Variants in BPTF observed in about 807,000 individuals in gnomAD.
BPTF encodes the protein bromodomain PHD finger transcription factor, also known as nucleosome-remodeling factor subunit BPTF.
A neutral mutation model predicts 292.5 loss-of-function variants in BPTF; 18 were observed. The ratio of observed to expected loss-of-function variants is 0.06; its 90% CI spans 0.04 to 0.09. The LOEUF (loss-of-function observed/expected upper bound fraction) is 0.09, where lower values mean the gene tolerates loss of function less well. Among genes scored for constraint, BPTF ranks in the 10% least tolerant of loss-of-function variants. The probability of loss-of-function intolerance (pLI) is 1.00; values close to 1 mark genes in which losing one functional copy is unlikely to be tolerated. For missense variants in BPTF, 2,726 were observed against 3,498.7 expected (o/e 0.78, Z 5.57); for synonymous variants, 1,225 against 1,251.9 (o/e 0.98, Z 0.45).
chr17:67,955,373 A>G (rs2066829540), intron 23 of BPTF: 2 of 152,058 alleles, frequency 1.3e-5, no homozygotes, highest in Admixed American at 1.3e-4. Context: ...TGACCCTGCA[A>G]AAAAGGGGCA....
chr17:67,944,531 T>A, intron 20 of BPTF, 159 bp downstream of exon 20: 1 of 748,910 alleles, frequency 1.3e-6, no homozygotes, highest in South Asian at 1.8e-5. Context: ...TCTCGAAGCT[T>A]TTGTACCCTA....
rs115712346 is a variant in BPTF at position 67,877,201 on chromosome 17, G to A, written c.1864+2181G>A. 1.7e-3 allele frequency among the ~76,000 whole-genome samples: 265 copies of A among 152,304 alleles called. 2 individuals carry two copies. The highest frequency in any genetic ancestry group is 6.0e-3 in the African/African-American group (249 of 41,578). On this transcript the variant is annotated intron_variant, in intron 4 of 27. Transcript: ENST00000306378. Reference sequence around the variant, plus strand: ...ATGTATCAGTGACCAAAATAGATAAGGTCTGGGCCCTTGGTGACTTACATT... The same window carrying A: ...ATGTATCAGTGACCAAAATAGATAAAGTCTGGGCCCTTGGTGACTTACATT...
intron 17 of BPTF, among the ~76,000 whole-genome samples, chr17:67,930,433 A>G (rs979799824): frequency 5.3e-5 from 8 of 151,904 alleles, no homozygotes; most frequent in Non-Finnish European, 8.8e-5. Context: ...TCCTGACCTC[A>G]GGTGATCCAC....
At chr17:67,867,618 G>A (rs145711228) in intron 3 of BPTF, among the ~76,000 whole-genome samples, 274 of 152,184 alleles carry the variant, frequency 1.8e-3, no homozygotes, top group African/African-American at 6.4e-3. Context: ...CTGGGTTGTC[G>A]GTTTCTCAGA....
At position 67,982,809 on chromosome 17, in the gene BPTF, G is replaced by A. The variant is rs188594445; in HGVS notation, c.*521G>A. On this transcript the variant is annotated 3_prime_UTR_variant, in exon 28 of 28. Coordinates refer to ENST00000306378, the MANE Select transcript of BPTF (RefSeq NM_182641.4). ...CTTATCATGATTCCTGTAGGTAAAA[G>A]TACAAGACGACCTCTAGATGTCTTT... 1 of 152,920 alleles carries A rather than the reference G, an allele frequency of 6.5e-6. No homozygotes were observed. The highest frequency in any genetic ancestry group is 1.9e-4 in the East Asian group (1 of 5,186). The allele number at this position is 152,920 out of a possible 1,614,324, so 9.5% of individuals were successfully genotyped here. A position where few individuals can be genotyped will look rare whatever the true frequency, so the allele number is the denominator to read the frequency against.
At chr17:67,838,563 A>T (rs925704675) in intron 1 of BPTF, among the ~76,000 whole-genome samples, 4 of 152,120 alleles carry the variant, frequency 2.6e-5, no homozygotes, top group Non-Finnish European at 4.4e-5. Flanking sequence ...TGCAACCTCC[A>T]CCTCTTAGGT....
intron 4 of BPTF, among the ~76,000 whole-genome samples, chr17:67,887,784 A>G (rs574116303): frequency 2.2e-4 from 34 of 152,224 alleles, no homozygotes; most frequent in Non-Finnish European, 4.4e-4. Context: ...AGGTCTACAT[A>G]TATTTATGTG....
chr17:67,914,886 T>TA (rs2062880229), intron 11 of BPTF, among the ~76,000 whole-genome samples: 1 of 152,208 alleles, frequency 6.6e-6, no homozygotes, highest in African/African-American at 2.4e-5. Flanking sequence ...TTTAAACTGA[T>TA]ACAGCCTTCA....
intron 3 of BPTF, among the ~76,000 whole-genome samples, chr17:67,870,907 C>T (rs1230832297): frequency 1.3e-5 from 2 of 149,244 alleles, no homozygotes; most frequent in East Asian, 2.0e-4. Context: ...GTAGCTGGGA[C>T]TACAGGCGCC....
chr17:67,917,058 A>G (rs1269855593), intron 11 of BPTF, among the ~76,000 whole-genome samples: 2 of 151,586 alleles, frequency 1.3e-5, no homozygotes, highest in African/African-American at 2.4e-5. Context: ...TAGTACCTCC[A>G]CACACAATGT....
chr17:67,983,789 A>C lies in BPTF; in HGVS notation c.*1501A>C, dbSNP rs1454149839. 1.3e-5 allele frequency: 2 copies of C among 152,552 alleles called. No individual in the cohort carries two copies. The highest frequency in any genetic ancestry group is 3.8e-4 in the East Asian group (2 of 5,200). 9.4% of individuals were successfully genotyped at this position (152,552 alleles called of 1,614,324 possible). A position where few individuals can be genotyped will look rare whatever the true frequency, so the allele number is the denominator to read the frequency against. On this transcript the variant is annotated 3_prime_UTR_variant, in exon 28 of 28. Transcript: ENST00000306378. ...GAATTTATCTAATTATTGTTTTTCA[A>C]AGTTTCTTTCCTTTTAATGTTTCCC...
intron 7 of BPTF, among the ~76,000 whole-genome samples, chr17:67,899,953 C>A (rs554932830): frequency 9.2e-5 from 14 of 152,272 alleles, no homozygotes; most frequent in Non-Finnish European, 1.6e-4. Flanking sequence ...GTTGGACACA[C>A]AAGCATCTGA....
rs141033721 is a variant in BPTF at position 67,856,083 on chromosome 17, T to C, written c.1436+1321T>C. Among the ~76,000 whole-genome samples the C allele has an allele frequency of 5.5e-3, 838 of 152,342 alleles. 5 individuals are homozygous for C. The highest frequency in any genetic ancestry group is 0.017 in the African/African-American group (710 of 41,578). ...CTTCCTCTTTTCCCTCTTGTATTTATCTTGAGCTATGATTTTATTGAACGT... is the reference window on the plus strand; with the variant it reads ...CTTCCTCTTTTCCCTCTTGTATTTACCTTGAGCTATGATTTTATTGAACGT... On this transcript the variant is annotated intron_variant, in intron 2 of 27. Transcript: ENST00000306378.
At chr17:67,968,899 T>G (rs536227285) in intron 26 of BPTF, among the ~76,000 whole-genome samples, 1 of 151,552 alleles carries the variant, frequency 6.6e-6, no homozygotes, top group African/African-American at 2.4e-5. Context: ...GAGAATTGCT[T>G]GAACCTGGAA....
chr17:67,830,233 G>T (rs2056540517), intron 1 of BPTF, among the ~76,000 whole-genome samples: 1 of 152,198 alleles, frequency 6.6e-6, no homozygotes, highest in Non-Finnish European at 1.5e-5. Flanking sequence ...TTCTTGTGTT[G>T]CAGTCTCAGT....
At chr17:67,860,935 C>G (rs2059038951) in intron 2 of BPTF, among the ~76,000 whole-genome samples, 4 of 152,198 alleles carry the variant, frequency 2.6e-5, no homozygotes, top group Admixed American at 2.0e-4. Flanking sequence ...CAGCTTTCTA[C>G]TCCCCATTCT....
chr17:67,897,437 C>T (rs1288316347), intron 7 of BPTF, among the ~76,000 whole-genome samples: 1 of 150,258 alleles, frequency 6.7e-6, no homozygotes, highest in South Asian at 2.1e-4. Flanking sequence ...AATTTTAAAG[C>T]CTTCACAGGG....
chr17:67,911,825 G>A lies in BPTF; in HGVS notation c.3941G>A (p.Ser1314Asn). ...ATGATTGTTCAGAATAGCAATGAAAGCATTTCTGAACAGTTCAGAACTCGA... is the reference window on the plus strand; with the variant it reads ...ATGATTGTTCAGAATAGCAATGAAAACATTTCTGAACAGTTCAGAACTCGA... ...EDMIVQNSNE[S>N]ISEQFRTREQ... The change falls in exon 11 of 28, where the codon AGC becomes AAC. Residue 1314 changes from serine (S) to asparagine (N), a missense_variant. This residue lies in a region of BPTF where 713 missense variants were observed against 714.9 expected (regional missense o/e 1.00). Transcript: ENST00000306378. 1.9e-6 allele frequency: 3 copies of A among 1,614,168 alleles called. No individual in the cohort carries two copies. The highest frequency in any genetic ancestry group is 2.5e-6 in the Non-Finnish European group (3 of 1,180,018).
intron 2 of BPTF, among the ~76,000 whole-genome samples, chr17:67,856,809 C>A (rs1416347073): frequency 6.6e-6 from 1 of 152,152 alleles, no homozygotes; most frequent in South Asian, 2.1e-4. Flanking sequence ...TCACTTAAAT[C>A]CTCAGTTTTT....
Sources: gnomAD v4.1 joint callset for allele counts (sites outside exome capture counted in the v4.1 genomes callset) on GRCh38, gnomAD v4.1.1 for gene constraint, gnomAD v4.1.1 regional missense constraint, MANE v1.5 for transcripts, NCBI Gene and HGNC (gene_info 2026-07-23, HGNC 2026-07-21) for gene names.